FAM241A: variants seen among roughly 807,000 people sequenced by gnomAD.
FAM241A encodes uncharacterized protein FAM241A.
In FAM241A, 7 loss-of-function variants were observed where a neutral mutation model predicts 12.2. The ratio of observed to expected loss-of-function variants is 0.58; its 90% CI spans 0.33 to 1.08. The LOEUF is 1.08. Among genes scored for constraint, FAM241A ranks in the 50% least tolerant of loss-of-function variants. FAM241A has a pLI of 0.04. For missense variants in FAM241A, 161 were observed against 169.7 expected, an observed-to-expected ratio of 0.95 and a Z score of 0.29; for synonymous variants, 74 against 68.2, an observed-to-expected ratio of 1.08 and a Z score of -0.42.
intron 1 of FAM241A, among the ~76,000 whole-genome samples, chr4:112,173,001 C>T (rs919454008): frequency 3.3e-5 from 5 of 152,142 alleles, no homozygotes; most frequent in African/African-American, 1.2e-4. Flanking sequence ...TATTTTCCTA[C>T]CTCAGCCTCC....
rs987484552 is a variant in FAM241A at position 112,188,665 on chromosome 4, G to T, written c.*1727G>T. ...TTTTCAATAGATGTCATGAGATTTTGTATATCTACATAAAATATCAGTACA... is the reference window on the plus strand; with the variant it reads ...TTTTCAATAGATGTCATGAGATTTTTTATATCTACATAAAATATCAGTACA... On this transcript the variant is annotated 3_prime_UTR_variant, in exon 2 of 2. Coordinates refer to ENST00000309733, the MANE Select transcript of FAM241A (RefSeq NM_152400.3). The T allele has an allele frequency of 6.6e-6, 1 of 152,052 alleles. No individual in the cohort carries two copies. The highest frequency in any genetic ancestry group is 1.5e-5 in the Non-Finnish European group (1 of 67,998). 9.4% of individuals were successfully genotyped at this position (152,052 alleles called of 1,614,324 possible).
In FAM241A at chr4:112,145,698, C is replaced by T. The variant is rs773477499; in HGVS notation, c.118C>T (p.Arg40Trp). The T allele has an allele frequency of 8.5e-7, 1 of 1,180,070 alleles. No homozygotes were observed. Among genetic ancestry groups the T allele is most frequent in the Non-Finnish European group, 1.0e-6 (1 of 955,218 alleles). 73.1% of individuals were successfully genotyped at this position (1,180,070 alleles called of 1,614,324 possible). Reference sequence around the variant, plus strand: ...CGGGTGGGATCCCGGGGCGAGCCCGCGGCGGCGCGGACAGCGGCCGAAGGA... The same window carrying T: ...CGGGTGGGATCCCGGGGCGAGCCCGTGGCGGCGCGGACAGCGGCCGAAGGA... ...GTGWDPGASP[R>W]RRGQRPKESE... Residue 40 changes from arginine to tryptophan, a missense_variant, in exon 1 of 2, where the codon CGG becomes TGG. By Grantham distance (101) the Arg-to-Trp change is moderately radical (BLOSUM62 -3). Transcript: ENST00000309733.
intron 1 of FAM241A, among the ~76,000 whole-genome samples, chr4:112,165,085 A>C (rs1723566509): frequency 6.6e-6 from 1 of 152,256 alleles, no homozygotes; most frequent in Admixed American, 6.5e-5. Context: ...TGGATGACAG[A>C]ATGAGACCCT....
At chr4:112,153,200 C>G (rs1723278735) in intron 1 of FAM241A, among the ~76,000 whole-genome samples, 1 of 152,122 alleles carries the variant, frequency 6.6e-6, no homozygotes, top group Admixed American at 6.5e-5. Context: ...TTATGTAGAT[C>G]TCTAGTTGGT....
chr4:112,150,643 TGGG>T (rs988555586), intron 1 of FAM241A, among the ~76,000 whole-genome samples: 1 of 151,034 alleles, frequency 6.6e-6, no homozygotes, highest in African/African-American at 2.4e-5. Flanking sequence ...GAAAACAAAA[TGGG>T]GGGTTCAGTG....
At chr4:112,171,330 C>T (rs1467799044) in intron 1 of FAM241A, 13 of 751,518 alleles carry the variant, frequency 1.7e-5, no homozygotes, top group South Asian at 4.0e-5. Context: ...CCAGGGAAAG[C>T]GGTGTTACGA....
intron 1 of FAM241A, among the ~76,000 whole-genome samples, chr4:112,180,212 G>T (rs1458917414): frequency 6.6e-6 from 1 of 151,902 alleles, no homozygotes; most frequent in African/African-American, 2.4e-5. Context: ...GAGGGTGGAG[G>T]AAGAAAGTGG....
intron 1 of FAM241A, among the ~76,000 whole-genome samples, chr4:112,155,418 C>T (rs1256885092): frequency 2.6e-5 from 4 of 151,892 alleles, no homozygotes; most frequent in African/African-American, 9.7e-5. Flanking sequence ...TCAAAAAAAT[C>T]TTTTTTCTTT....
chr4:112,190,715 G>C lies in FAM241A; in HGVS notation c.*3777G>C, dbSNP rs1483025740. 2 of 145,928 alleles carry C rather than the reference G, an allele frequency of 1.4e-5. No homozygotes were observed. Among genetic ancestry groups the C allele is most frequent in the African/African-American group, 5.0e-5 (2 of 39,720 alleles). 9.0% of individuals were successfully genotyped at this position (145,928 alleles called of 1,614,324 possible). A position where few individuals can be genotyped will look rare whatever the true frequency, so the allele number is the denominator to read the frequency against. On this transcript the variant is annotated 3_prime_UTR_variant, in exon 2 of 2. Coordinates refer to ENST00000309733, the MANE Select transcript of FAM241A (RefSeq NM_152400.3). ...CTCCATCTCAAAAAAAAAAAAAAAA[G>C]ACTTTCATGCCTGGTAATAGAGTTG...
chr4:112,174,778 GCTGTACATAGACCCA>G (rs1723787363), intron 1 of FAM241A, among the ~76,000 whole-genome samples: 2 of 152,180 alleles, frequency 1.3e-5, no homozygotes, highest in South Asian at 4.1e-4. Flanking sequence ...CATTCTCCAT[GCTGTACATAGACCCA>G]TCAACACAGG....
chr4:112,189,786 T>G lies in FAM241A; in HGVS notation c.*2848T>G, dbSNP rs1724126879. 1 of 152,096 alleles carries G rather than the reference T, an allele frequency of 6.6e-6. No individual in the cohort carries two copies. Among genetic ancestry groups the G allele is most frequent in the South Asian group, 2.1e-4 (1 of 4,826 alleles). The allele number at this position is 152,096 out of a possible 1,614,324, so 9.4% of individuals were successfully genotyped here. On this transcript the variant is annotated 3_prime_UTR_variant, in exon 2 of 2. Coordinates refer to ENST00000309733, the MANE Select transcript of FAM241A (RefSeq NM_152400.3). ...CTTCAGTGCTGTCAAGTTGGTAGTT[T>G]GAAATTGGCCATGGTGAGAGTATTT...
chr4:112,172,715 T>C (rs866789279), intron 1 of FAM241A, among the ~76,000 whole-genome samples: 4 of 152,234 alleles, frequency 2.6e-5, no homozygotes, highest in African/African-American at 7.2e-5. Context: ...ATATTACTTA[T>C]CTAATACTTT....
chr4:112,179,937 A>G (rs199879456), intron 1 of FAM241A, among the ~76,000 whole-genome samples: 2 of 120,364 alleles, frequency 1.7e-5, no homozygotes, highest in Admixed American at 8.7e-5. Flanking sequence ...ATATATATAT[A>G]TGTATATGTG....
intron 1 of FAM241A, among the ~76,000 whole-genome samples, chr4:112,161,016 A>C (rs1222228463): frequency 1.3e-5 from 2 of 152,234 alleles, no homozygotes; most frequent in African/African-American, 4.8e-5. Context: ...ATTCTTAAGT[A>C]ATACAGACAA....
At chr4:112,174,348 C>T (rs1560584164) in intron 1 of FAM241A, among the ~76,000 whole-genome samples, 1 of 152,200 alleles carries the variant, frequency 6.6e-6, no homozygotes, top group Non-Finnish European at 1.5e-5. Context: ...TGCAGGAGCC[C>T]TGCCCAGGAG....
At chr4:112,176,695 CAGTT>C (rs1300472953) in intron 1 of FAM241A, among the ~76,000 whole-genome samples, 3 of 152,134 alleles carry the variant, frequency 2.0e-5, no homozygotes, top group Non-Finnish European at 2.9e-5. Flanking sequence ...GATTTTGAAT[CAGTT>C]AGAACACCCC....
chr4:112,179,914 G>GACATACATATATATATAT (rs1479640205), intron 1 of FAM241A, among the ~76,000 whole-genome samples: 39 of 117,768 alleles, frequency 3.3e-4, no homozygotes, highest in Admixed American at 1.7e-3. Flanking sequence ...AAGAAAATGT[G>GACATACATATATATATAT]ATATATATAT....
At chr4:112,176,207 A>AC (rs1723817574) in intron 1 of FAM241A, among the ~76,000 whole-genome samples, 1 of 152,204 alleles carries the variant, frequency 6.6e-6, no homozygotes, top group African/African-American at 2.4e-5. Context: ...ATACAACTGA[A>AC]CTTAATTATC....
intron 1 of FAM241A, among the ~76,000 whole-genome samples, chr4:112,168,136 C>T (rs1723636545): frequency 6.6e-6 from 1 of 152,322 alleles, no homozygotes; most frequent in Admixed American, 6.5e-5. Context: ...TATCACCATT[C>T]ACCTAAAGTT....
Sources: allele counts gnomAD v4.1 joint callset (sites outside exome capture counted in the v4.1 genomes callset), GRCh38; gene constraint gnomAD v4.1.1; transcripts MANE v1.5; gene names NCBI Gene and HGNC (gene_info 2026-07-23, HGNC 2026-07-21).